The following ITK variants were observed in gnomAD, a reference collection of about 807,000 sequenced individuals.
ITK encodes the protein IL2 inducible T cell kinase, also known as tyrosine-protein kinase ITK/TSK.
A neutral mutation model predicts 87.6 loss-of-function variants in ITK; 45 were observed. The observed-to-expected ratio is 0.51, with a 90% CI of 0.40 to 0.66. The LOEUF (loss-of-function observed/expected upper bound fraction) is 0.66, where lower values mean the gene tolerates loss of function less well. ITK is among the 30% of genes least tolerant of loss of function. The pLI, the probability that ITK is intolerant of heterozygous loss-of-function variation, is 0.00. For missense variants in ITK, 605 were observed against 766.3 expected (o/e 0.79, Z 2.48); for synonymous variants, 303 against 273.6 (o/e 1.11, Z -1.06).
chr5:157,184,810 T>C (rs894032952), intron 1 of ITK, among the ~76,000 whole-genome samples: 2 of 152,190 alleles, frequency 1.3e-5, no homozygotes, highest in East Asian at 3.8e-4. Context: ...ACCACCTTGG[T>C]CTTCTGAAAG....
intron 8 of ITK, among the ~76,000 whole-genome samples, chr5:157,236,682 C>G (rs564460970): frequency 6.6e-6 from 1 of 152,240 alleles, no homozygotes; most frequent in Non-Finnish European, 1.5e-5. Context: ...GGGGTAGGAA[C>G]AGAGTGTTAG....
intron 8 of ITK, among the ~76,000 whole-genome samples, chr5:157,232,935 G>A (rs1446493261): frequency 6.6e-6 from 1 of 152,200 alleles, no homozygotes; most frequent in Non-Finnish European, 1.5e-5. Context: ...TGACTCAGCT[G>A]TGAGTCCAGA....
chr5:157,225,863 T>C (rs549603025), intron 6 of ITK, among the ~76,000 whole-genome samples: 1 of 152,218 alleles, frequency 6.6e-6, no homozygotes, highest in Non-Finnish European at 1.5e-5. Context: ...TGACTTTACT[T>C]AGCACACCTA....
chr5:157,223,816 G>A (rs30158), intron 6 of ITK, among the ~76,000 whole-genome samples: 146,583 of 152,324 alleles, frequency 0.96, 70,573 homozygotes, highest in East Asian at 1. Context: ...ATTAATATTA[G>A]GGGTTTAAAT....
At position 157,254,166 on chromosome 5, in the gene ITK, C is replaced by T. The variant is rs1040726484; in HGVS notation, c.*1488C>T. ...GGGAATAAATACAAAGATGGAAAGC[C>T]AGTAAAGAAGTCAGTATAGAACCAC... On this transcript the variant is annotated 3_prime_UTR_variant, in exon 17 of 17. Transcript: ENST00000422843. The T allele has an allele frequency of 3.9e-5, 9 of 229,180 alleles. No individual in the cohort carries two copies. The highest frequency in any genetic ancestry group is 2.0e-4 in the African/African-American group (9 of 45,068). The allele number at this position is 229,180 out of a possible 1,614,324, so 14.2% of individuals were successfully genotyped here.
intron 3 of ITK, among the ~76,000 whole-genome samples, chr5:157,212,173 T>C (rs1381253478): frequency 6.6e-6 from 1 of 152,126 alleles, no homozygotes; most frequent in African/African-American, 2.4e-5. Context: ...CATGGAGCTG[T>C]TGTGAGAATT....
Position 157,254,168 on chromosome 5 carries a change from G to A in ITK, c.*1490G>A, listed in dbSNP as rs145699363. 6.9e-4 allele frequency: 158 copies of A among 229,450 alleles called. 1 individual carries two copies. The highest frequency in any genetic ancestry group is 2.6e-3 in the Middle Eastern group (2 of 776). The allele number at this position is 229,450 out of a possible 1,614,324, so 14.2% of individuals were successfully genotyped here. A position where few individuals can be genotyped will look rare whatever the true frequency, so the allele number is the denominator to read the frequency against. ...GAATAAATACAAAGATGGAAAGCCA[G>A]TAAAGAAGTCAGTATAGAACCACTA... On this transcript the variant is annotated 3_prime_UTR_variant, in exon 17 of 17. Transcript: ENST00000422843.
chr5:157,192,773 G>A (rs953676806), intron 1 of ITK, among the ~76,000 whole-genome samples: 6 of 152,162 alleles, frequency 3.9e-5, no homozygotes, highest in Admixed American at 1.3e-4. Context: ...GGATCAACAA[G>A]TTATCTTCCA....
At chr5:157,200,453 G>A (rs558182428) in intron 1 of ITK, among the ~76,000 whole-genome samples, 1 of 152,324 alleles carries the variant, frequency 6.6e-6, no homozygotes, top group South Asian at 2.1e-4. Context: ...AAATAGCACA[G>A]TTGTTTGGGA....
intron 8 of ITK, among the ~76,000 whole-genome samples, chr5:157,233,800 T>C (rs375468858): frequency 6.6e-6 from 1 of 151,278 alleles, no homozygotes; most frequent in South Asian, 2.1e-4. Flanking sequence ...ATGACGTCTA[T>C]GGAGCACTTC....
intron 5 of ITK, among the ~76,000 whole-genome samples, chr5:157,219,846 T>C (rs1754378227): frequency 6.6e-6 from 1 of 152,162 alleles, no homozygotes; most frequent in South Asian, 2.1e-4. Context: ...ATTTTTGGTA[T>C]CAATGAAGGT....
intron 1 of ITK, among the ~76,000 whole-genome samples, chr5:157,205,781 A>T (rs905986324): frequency 6.6e-6 from 1 of 152,134 alleles, no homozygotes; most frequent in Non-Finnish European, 1.5e-5. Context: ...ACGTTCCTTT[A>T]ATATCTAGTT....
chr5:157,198,291 C>A (rs555199273), intron 1 of ITK, among the ~76,000 whole-genome samples: 2 of 152,284 alleles, frequency 1.3e-5, no homozygotes, highest in Non-Finnish European at 2.9e-5. Context: ...AATTCTTTTT[C>A]TTTTCTTTTC....
At position 157,232,397 on chromosome 5, in the gene ITK, A is replaced by G. The variant is rs374214545; in HGVS notation, c.768+3A>G. ...CTGAAAAACTTCTTTTGGACACAGT[A>G]AGTCTCCTTAACCTGTCTTTTGACA... On this transcript the variant is annotated splice_donor_region_variant and intron_variant, in intron 8 of 16. Transcript: ENST00000422843. The G allele has an allele frequency of 9.1e-5, 144 of 1,589,168 alleles. No individual in the cohort carries two copies. Among genetic ancestry groups the G allele is most frequent in the Admixed American group, 2.2e-4 (13 of 59,806 alleles).
At chr5:157,225,425 T>TG (rs1754511952) in intron 6 of ITK, among the ~76,000 whole-genome samples, 1 of 151,532 alleles carries the variant, frequency 6.6e-6, no homozygotes, top group African/African-American at 2.4e-5. Context: ...GTGCCAAGAC[T>TG]GGGTATCATT....
chr5:157,254,052 A>T lies in ITK; in HGVS notation c.*1374A>T, dbSNP rs1196424948. 1 of 226,080 alleles carries T rather than the reference A, an allele frequency of 4.4e-6. No homozygotes were observed. Among genetic ancestry groups the T allele is most frequent in the Non-Finnish European group, 8.8e-6 (1 of 113,678 alleles). 14.0% of individuals were successfully genotyped at this position (226,080 alleles called of 1,614,324 possible). On this transcript the variant is annotated 3_prime_UTR_variant, in exon 17 of 17. Coordinates refer to ENST00000422843, the MANE Select transcript of ITK (RefSeq NM_005546.4). ...TGGAACTAGAAAGTCTAGAGCTGGT[A>T]TTCTAGCCCAAATCTGTCTGACCGC...
intron 6 of ITK, among the ~76,000 whole-genome samples, chr5:157,227,283 T>G (rs1392604703): frequency 1.3e-5 from 2 of 152,158 alleles, no homozygotes; most frequent in Non-Finnish European, 2.9e-5. Context: ...AGATAATGAA[T>G]GTGAAAGTGC....
At chr5:157,207,804 G>A (rs1321127528) in intron 1 of ITK, among the ~76,000 whole-genome samples, 1 of 152,072 alleles carries the variant, frequency 6.6e-6, no homozygotes, top group Non-Finnish European at 1.5e-5. Context: ...CAATAACAAA[G>A]TAATAGTTCT....
At chr5:157,250,730 T>C (rs899220060) in intron 16 of ITK, among the ~76,000 whole-genome samples, 1 of 151,996 alleles carries the variant, frequency 6.6e-6, no homozygotes, top group African/African-American at 2.4e-5. Flanking sequence ...GCTGCCCAGG[T>C]GAGTTCAGGC....
Sources: allele counts gnomAD v4.1 joint callset (sites outside exome capture counted in the v4.1 genomes callset), GRCh38; gene constraint gnomAD v4.1.1; transcripts MANE v1.5; gene names NCBI Gene and HGNC (gene_info 2026-07-23, HGNC 2026-07-21).